Variants in MTUS2 observed in about 807,000 individuals in gnomAD.
MTUS2 encodes microtubule associated scaffold protein 2.
Under a neutral mutation model 114.1 loss-of-function variants are expected in MTUS2, and 40 were observed. That is an observed-to-expected ratio of 0.35 (90% CI 0.27 to 0.46). The LOEUF is 0.46. Among genes scored for constraint, MTUS2 ranks in the 20% least tolerant of loss-of-function variants. The probability of loss-of-function intolerance (pLI) is 1.00; values close to 1 mark genes in which losing one functional copy is unlikely to be tolerated. For missense variants in MTUS2, 1,679 were observed against 1,705.4 expected (o/e 0.98, Z 0.27); for synonymous variants, 688 against 672.0 (o/e 1.02, Z -0.37).
intron 5 of MTUS2, among the ~76,000 whole-genome samples, chr13:29,140,462 C>T (rs1892172054): frequency 6.6e-6 from 1 of 152,182 alleles, no homozygotes; most frequent in Non-Finnish European, 1.5e-5. Flanking sequence ...AGCATGCCAG[C>T]GTAGTGAAGG....
intron 14 of MTUS2, among the ~76,000 whole-genome samples, chr13:29,499,777 T>C (rs1473937545): frequency 6.6e-6 from 1 of 152,242 alleles, no homozygotes; most frequent in Non-Finnish European, 1.5e-5. Context: ...GGGCCACCCA[T>C]TGCATTTGGT....
At chr13:29,463,813 ACATGGC>A (rs1268162801) in intron 9 of MTUS2, among the ~76,000 whole-genome samples, 1 of 152,214 alleles carries the variant, frequency 6.6e-6, no homozygotes, top group African/African-American at 2.4e-5. Context: ...AGCCTGGCCA[ACATGGC>A]GAAACCCCAT....
intron 2 of MTUS2, among the ~76,000 whole-genome samples, chr13:28,926,927 G>C (rs1881357823): frequency 6.6e-6 from 1 of 152,096 alleles, no homozygotes; most frequent in Admixed American, 6.5e-5. Context: ...TTTTTATTTT[G>C]ATGTGTGTTT....
intron 2 of MTUS2, among the ~76,000 whole-genome samples, chr13:28,892,835 A>C (rs1566202645): frequency 6.6e-6 from 1 of 152,240 alleles, no homozygotes; most frequent in African/African-American, 2.4e-5. Flanking sequence ...AAAGTGATGC[A>C]AGCCACAGGA....
intron 8 of MTUS2, among the ~76,000 whole-genome samples, chr13:29,407,109 G>T (rs866575913): frequency 6.6e-6 from 1 of 152,172 alleles, no homozygotes; most frequent in East Asian, 1.9e-4. Flanking sequence ...AGCCAGGCGT[G>T]GTGGTGGGCG....
At position 29,070,856 on chromosome 13, in the gene MTUS2, T is replaced by C. The variant is rs954005059; in HGVS notation, c.2447-29917T>C. 3.3e-5 allele frequency among the ~76,000 whole-genome samples: 5 copies of C among 152,182 alleles called. No homozygotes were observed. The South Asian group carries it at 8.3e-4, about 25-fold the overall frequency. Reference sequence around the variant, plus strand: ...TTACCTTTTTCTGGTGTGATTTCTCTTACCTTATGTTTTCCTTCTGCATTT... The same window carrying C: ...TTACCTTTTTCTGGTGTGATTTCTCCTACCTTATGTTTTCCTTCTGCATTT... On this transcript the variant is annotated intron_variant, in intron 4 of 15. Coordinates refer to ENST00000612955, the MANE Select transcript of MTUS2 (RefSeq NM_001033602.4).
intron 5 of MTUS2, among the ~76,000 whole-genome samples, chr13:29,232,816 A>C (rs1369441787): frequency 6.6e-6 from 1 of 152,224 alleles, no homozygotes; most frequent in Non-Finnish European, 1.5e-5. Context: ...TTTTCACAAC[A>C]TGGAGCATTA....
chr13:29,378,440 G>A (rs760759700), intron 8 of MTUS2, among the ~76,000 whole-genome samples: 5 of 152,024 alleles, frequency 3.3e-5, no homozygotes, highest in East Asian at 3.9e-4. Context: ...TGTCTGTAGC[G>A]GGCTAGTTTG....
At chr13:29,048,065 T>C (rs1476627120) in intron 4 of MTUS2, among the ~76,000 whole-genome samples, 1 of 152,320 alleles carries the variant, frequency 6.6e-6, no homozygotes, top group South Asian at 2.1e-4. Flanking sequence ...TTGGTGGACA[T>C]TTTGGTTGTT....
chr13:28,893,502 G>A (rs1377754224), intron 2 of MTUS2, among the ~76,000 whole-genome samples: 2 of 152,188 alleles, frequency 1.3e-5, no homozygotes, highest in Non-Finnish European at 2.9e-5. Flanking sequence ...GTGGTTAGAA[G>A]AATCTTGGAG....
chr13:29,076,283 GT>G, intron 4 of MTUS2, among the ~76,000 whole-genome samples: 2 of 152,288 alleles, frequency 1.3e-5, no homozygotes, highest in South Asian at 4.1e-4. Context: ...TACAGGATAA[GT>G]TTTTTATTAT....
chr13:28,913,136 C>T (rs1296702935), intron 2 of MTUS2, among the ~76,000 whole-genome samples: 1 of 152,188 alleles, frequency 6.6e-6, no homozygotes, highest in Non-Finnish European at 1.5e-5. Flanking sequence ...CTGGCCAGAA[C>T]TTCCAACACT....
At chr13:29,408,679 C>CT (rs373345219) in intron 8 of MTUS2, among the ~76,000 whole-genome samples, 41 of 147,492 alleles carry the variant, frequency 2.8e-4, no homozygotes, top group South Asian at 4.3e-4. Flanking sequence ...TAAATCATGA[C>CT]TTTTTTTTTT....
rs762811875 is a variant in MTUS2 at position 29,025,105 on chromosome 13, G to A, written c.407G>A (p.Arg136Lys). 1 of 1,613,980 alleles carries A rather than the reference G, an allele frequency of 6.2e-7. No homozygotes were observed. The part of the protein sequence containing the change: ...SIQGPSLSSW[R>K]NVMSEASLDV... ...CAGGGACCAAGTCTGTCGAGTTGGA[G>A]GAATGTGATGAGTGAGGCCAGTCTA... Residue 136 changes from arginine to lysine, a missense_variant, in exon 3 of 16, where the codon AGG (arginine) becomes AAG (lysine). Around this residue, in one of 3 missense-constraint regions of MTUS2, gnomAD observed 843 missense variants for 770.8 expected, o/e 1.09. Coordinates refer to ENST00000612955, the MANE Select transcript of MTUS2 (RefSeq NM_001033602.4).
rs147223547 is a variant in MTUS2, at chr13:29,396,064, T to C, written c.3117+36591T>C. 1.7e-3 allele frequency among the ~76,000 whole-genome samples: 263 copies of C among 152,310 alleles called. 5 individuals are homozygous for C. In the East Asian group the frequency reaches 0.037, roughly 21 times the overall value. On this transcript the variant is annotated intron_variant, in intron 8 of 15. Coordinates refer to ENST00000612955, the MANE Select transcript of MTUS2 (RefSeq NM_001033602.4). ...ATTTTTATGTACATGTGCTCAGCTG[T>C]GGTTAAGATGTCACTAAGTCACCGG... is the stretch of plus-strand genomic sequence containing the variant.
intron 5 of MTUS2, among the ~76,000 whole-genome samples, chr13:29,217,491 A>C (rs1164503457): frequency 6.6e-6 from 1 of 152,240 alleles, no homozygotes; most frequent in Non-Finnish European, 1.5e-5. Context: ...AAAAATATAC[A>C]TACCTTAATT....
chr13:29,170,586 G>A (rs1370615656), intron 5 of MTUS2, among the ~76,000 whole-genome samples: 2 of 152,336 alleles, frequency 1.3e-5, no homozygotes, highest in South Asian at 4.1e-4. Context: ...ACAGATGTTA[G>A]TAATTTAAGC....
intron 5 of MTUS2, among the ~76,000 whole-genome samples, chr13:29,227,665 T>C (rs1896164727): frequency 6.6e-6 from 1 of 151,102 alleles, no homozygotes; most frequent in African/African-American, 2.5e-5. Context: ...GAATGCTATC[T>C]CTCTAACCTC....
rs192287590 is a variant in MTUS2, at chr13:29,174,662, G to A, written c.2644+73692G>A. ...GGGCTTTATGTTTAATTCTGCTTAC[G>A]GTAGTGGTTGCGGTTTTCTTATAAT... On this transcript the variant is annotated intron_variant, in intron 5 of 15. Transcript: ENST00000612955. Among the ~76,000 whole-genome samples the A allele has an allele frequency of 4.6e-5, 7 of 152,158 alleles. No individual in the cohort carries two copies. The East Asian group carries it at 1.2e-3, about 25-fold the overall frequency.
Sources: gnomAD v4.1 joint callset for allele counts (sites outside exome capture counted in the v4.1 genomes callset) on GRCh38, gnomAD v4.1.1 for gene constraint, gnomAD v4.1.1 regional missense constraint, MANE v1.5 for transcripts, NCBI Gene and HGNC (gene_info 2026-07-23, HGNC 2026-07-21) for gene names.